The following DLG1 variants were observed in gnomAD, a reference collection of about 807,000 sequenced individuals.
DLG1 encodes the protein discs large MAGUK scaffold protein 1, also known as disks large homolog 1.
A neutral mutation model predicts 123.4 loss-of-function variants in DLG1; 42 were observed. The observed-to-expected ratio is 0.34, with a 90% confidence interval of 0.27 to 0.44. The LOEUF is 0.44. Among genes scored for constraint, DLG1 ranks in the 20% least tolerant of loss-of-function variants. The pLI, the probability that DLG1 is intolerant of heterozygous loss-of-function variation, is 1.00. For synonymous variants in DLG1, 317 were observed against 356.2 expected (o/e 0.89, Z 1.24); for missense variants, 942 against 1,082.6 (o/e 0.87, Z 1.82).
chr3:197,140,045 T>C, intron 8 of DLG1, 95 bp downstream of exon 8: 1 of 1,363,768 alleles, frequency 7.3e-7, no homozygotes, highest in Non-Finnish European at 1.0e-6. Context: ...GTTATCATGA[T>C]CGTGTTTGTT....
chr3:197,244,746 G>C (rs1017139690), intron 4 of DLG1, among the ~76,000 whole-genome samples: 1 of 152,038 alleles, frequency 6.6e-6, no homozygotes, highest in Non-Finnish European at 1.5e-5. Context: ...AGAAGCACGA[G>C]ATAGGGTCCT....
At chr3:197,257,572 C>A (rs191361561) in intron 4 of DLG1, among the ~76,000 whole-genome samples, 1 of 152,240 alleles carries the variant, frequency 6.6e-6, no homozygotes, top group East Asian at 1.9e-4. Flanking sequence ...GTAAAAGCAT[C>A]TTTCAAGCTC....
At position 197,237,107 on chromosome 3, in the gene DLG1, G is replaced by C. The variant is rs796572916; in HGVS notation, c.319-42518C>G. Reference sequence around the variant, plus strand: ...TGTACCATAACAACTAGAAAAAAAAGATAAACATATCTTTTAAAGACAATG... The same window carrying C: ...TGTACCATAACAACTAGAAAAAAAACATAAACATATCTTTTAAAGACAATG... On this transcript the variant is annotated intron_variant, in intron 4 of 24. Coordinates refer to ENST00000667157, the MANE Select transcript of DLG1 (RefSeq NM_001366207.1). Among the ~76,000 whole-genome samples the C allele has an allele frequency of 2.0e-5, 3 of 152,252 alleles. No individual in the cohort carries two copies. In the South Asian group the frequency reaches 6.2e-4, roughly 32 times the overall value.
chr3:197,203,195 T>A (rs1271536459), intron 4 of DLG1, among the ~76,000 whole-genome samples: 1 of 151,896 alleles, frequency 6.6e-6, no homozygotes, highest in Non-Finnish European at 1.5e-5. Context: ...GCCCGGGAGG[T>A]TGAGGCTGCA....
At chr3:197,122,668 AG>A (rs1393208861) in intron 11 of DLG1, among the ~76,000 whole-genome samples, 1 of 152,164 alleles carries the variant, frequency 6.6e-6, no homozygotes, top group African/African-American at 2.4e-5. Context: ...TTTACAAAGT[AG>A]TACATTTATA....
intron 2 of DLG1, 114 bp downstream of exon 2, chr3:197,297,072 T>C (rs936609835): frequency 9.7e-6 from 11 of 1,138,810 alleles, no homozygotes; most frequent in Non-Finnish European, 1.2e-5. Flanking sequence ...GCAATAAAGC[T>C]AGGACCGTGC....
intron 4 of DLG1, among the ~76,000 whole-genome samples, chr3:197,230,049 A>G (rs996567679): frequency 6.6e-6 from 1 of 152,238 alleles, no homozygotes; most frequent in Non-Finnish European, 1.5e-5. Context: ...TTGGCGAGTC[A>G]AGTCCAAAGT....
At chr3:197,209,112 G>A (rs1200624840) in intron 4 of DLG1, among the ~76,000 whole-genome samples, 1 of 146,118 alleles carries the variant, frequency 6.8e-6, no homozygotes, top group Non-Finnish European at 1.5e-5. Context: ...ACCACTAAAT[G>A]ATGTTGAGAA....
intron 4 of DLG1, among the ~76,000 whole-genome samples, chr3:197,248,724 C>G (rs553739819): frequency 1.3e-5 from 2 of 150,250 alleles, no homozygotes; most frequent in Non-Finnish European, 3.0e-5. Context: ...GACAAAGAAC[C>G]AGGAAGTTTA....
intron 13 of DLG1, among the ~76,000 whole-genome samples, chr3:197,108,053 T>C (rs1486741312): frequency 6.6e-6 from 1 of 152,226 alleles, no homozygotes; most frequent in East Asian, 1.9e-4. Flanking sequence ...TTGCTTTTTC[T>C]GTGTCTACTG....
At chr3:197,134,078 G>A (rs186094113) in intron 10 of DLG1, among the ~76,000 whole-genome samples, 22 of 152,308 alleles carry the variant, frequency 1.4e-4, no homozygotes, top group Admixed American at 1.4e-3. Flanking sequence ...GAGAAAACTA[G>A]TGCAACAGAA....
At chr3:197,230,141 T>C (rs923081220) in intron 4 of DLG1, among the ~76,000 whole-genome samples, 5 of 152,296 alleles carry the variant, frequency 3.3e-5, no homozygotes, top group African/African-American at 9.6e-5. Context: ...TACTAATCTG[T>C]TTAAATTGGA....
At position 197,114,987 on chromosome 3, in the gene DLG1, GAAAAAAAAAA is replaced by G. The variant is rs375841391; in HGVS notation, c.1443+930_1443+939del. Among the ~76,000 whole-genome samples, 25 of 86,062 alleles carry G rather than the reference GAAAAAAAAAA, an allele frequency of 2.9e-4. No homozygotes were observed. In the East Asian group the frequency reaches 3.8e-3, roughly 13 times the overall value. The allele number at this position is 86,062 out of a possible 152,430, so 56.5% of individuals were successfully genotyped here. A position where few individuals can be genotyped will look rare whatever the true frequency, so the allele number is the denominator to read the frequency against. On this transcript the variant is annotated intron_variant, in intron 13 of 24. Coordinates refer to ENST00000667157, the MANE Select transcript of DLG1 (RefSeq NM_001366207.1). ...CAACAGAGCGAGACTCCATCTCAAG[GAAAAAAAAAA>G]AAAAAAAAAAAAAGGGAAATTTTCT...
At chr3:197,244,162 G>A (rs180691849) in intron 4 of DLG1, among the ~76,000 whole-genome samples, 1 of 152,214 alleles carries the variant, frequency 6.6e-6, no homozygotes, top group African/African-American at 2.4e-5. Flanking sequence ...TGAGAGACAT[G>A]AGGTAAAACT....
rs145398232 is a variant in DLG1 at position 197,130,665 on chromosome 3, T to C, written c.1027A>G (p.Asn343Asp). 1.4e-5 allele frequency: 23 copies of C among 1,593,834 alleles called. No individual in the cohort carries two copies. Among genetic ancestry groups the C allele is most frequent in the African/African-American group, 2.7e-5 (2 of 74,328 alleles). Residue 343 changes from asparagine to aspartate, a missense_variant, in exon 11 of 25, where the codon AAC (asparagine) becomes GAC (aspartate). Physicochemically the swap from Asn to Asp is conservative, Grantham distance 23. Transcript: ENST00000667157. ...TGAGTAACTTCTTCTAAACATACGT[T>C]ATTCACCTAAAAAAAGTCCCAAAAG... ...QIGDKLLAVNNVCLEEVTHEE... is the reference protein window; with the variant it reads ...QIGDKLLAVNDVCLEEVTHEE...
chr3:197,108,137 A>T (rs189358675), intron 13 of DLG1, among the ~76,000 whole-genome samples: 1 of 152,220 alleles, frequency 6.6e-6, no homozygotes, highest in Non-Finnish European at 1.5e-5. Context: ...TGAACTAACC[A>T]TGCATTCCTT....
At chr3:197,145,259 T>C (rs1790172779) in intron 6 of DLG1, among the ~76,000 whole-genome samples, 1 of 152,222 alleles carries the variant, frequency 6.6e-6, no homozygotes, top group South Asian at 2.1e-4. Flanking sequence ...TCATCTTGTT[T>C]CTTACTCAAG....
At chr3:197,279,904 A>G (rs771037801) in intron 4 of DLG1, among the ~76,000 whole-genome samples, 3 of 152,204 alleles carry the variant, frequency 2.0e-5, no homozygotes, top group Admixed American at 6.5e-5. Context: ...GGTACATGCG[A>G]TATTTGGTAC....
chr3:197,137,848 T>A (rs528054666), intron 9 of DLG1, among the ~76,000 whole-genome samples: 1 of 151,952 alleles, frequency 6.6e-6, no homozygotes, highest in African/African-American at 2.4e-5. Context: ...GGTGTGTGCA[T>A]GCAGTCCAAG....
Sources: allele counts gnomAD v4.1 joint callset (sites outside exome capture counted in the v4.1 genomes callset), GRCh38; gene constraint gnomAD v4.1.1; transcripts MANE v1.5; gene names NCBI Gene and HGNC (gene_info 2026-07-23, HGNC 2026-07-21).